The following SNX29 variants were observed in gnomAD, a reference collection of about 807,000 sequenced individuals.
SNX29 encodes the protein sorting nexin 29, also known as sorting nexin-29.
Under a neutral mutation model 102.1 loss-of-function variants are expected in SNX29, and 78 were observed. That is an observed-to-expected ratio of 0.76 (90% CI 0.64 to 0.92). The LOEUF (loss-of-function observed/expected upper bound fraction) is 0.92, where lower values mean the gene tolerates loss of function less well. SNX29 is among the 40% of genes least tolerant of loss of function. The pLI is 0.00. For synonymous variants in SNX29, 580 were observed against 414.5 expected, an observed-to-expected ratio of 1.40 and a Z score of -4.85; for missense variants, 1,280 against 1,061.7, an observed-to-expected ratio of 1.21 and a Z score of -2.86.
chr16:12,163,715 C>T (rs997488830), intron 13 of SNX29, among the ~76,000 whole-genome samples: 1 of 152,150 alleles, frequency 6.6e-6, no homozygotes, highest in African/African-American at 2.4e-5. Flanking sequence ...TTTGTTAAAC[C>T]GAACCTTTTG....
chr16:12,215,793 C>T (rs1010438502), intron 14 of SNX29, among the ~76,000 whole-genome samples: 3 of 152,210 alleles, frequency 2.0e-5, no homozygotes, highest in Non-Finnish European at 4.4e-5. Context: ...CCTCCAAAAA[C>T]ACCCCGTTTC....
chr16:12,030,810 T>C (rs535509502), intron 4 of SNX29, among the ~76,000 whole-genome samples: 60 of 152,286 alleles, frequency 3.9e-4, no homozygotes, highest in African/African-American at 1.4e-3. Flanking sequence ...CTGTCTCTGT[T>C]CTACCTCTTA....
At chr16:12,155,571 C>T (rs571869219) in intron 13 of SNX29, among the ~76,000 whole-genome samples, 1 of 152,184 alleles carries the variant, frequency 6.6e-6, no homozygotes, top group Non-Finnish European at 1.5e-5. Flanking sequence ...ACTGAGCCAA[C>T]TATAACTGGG....
intron 4 of SNX29, among the ~76,000 whole-genome samples, chr16:12,035,152 C>T (rs1000738759): frequency 2.0e-5 from 3 of 151,930 alleles, no homozygotes; most frequent in African/African-American, 4.8e-5. Flanking sequence ...ATGGCGTATG[C>T]CCCTAAAAGG....
chr16:12,336,020 A>G (rs2151234250), intron 15 of SNX29, among the ~76,000 whole-genome samples: 1 of 152,270 alleles, frequency 6.6e-6, no homozygotes, highest in South Asian at 2.1e-4. Context: ...TGTTTGTGAC[A>G]ACGGCCCAGC....
intron 13 of SNX29, among the ~76,000 whole-genome samples, chr16:12,174,865 A>G (rs1360432820): frequency 6.6e-6 from 1 of 151,948 alleles, no homozygotes; most frequent in African/African-American, 2.4e-5. Flanking sequence ...TATGTTTGGC[A>G]TTTTTGCTCT....
chr16:12,552,396 A>G (rs1424183486), intron 20 of SNX29, among the ~76,000 whole-genome samples: 1 of 152,256 alleles, frequency 6.6e-6, no homozygotes, highest in African/African-American at 2.4e-5. Flanking sequence ...TACCTGGCGC[A>G]GAGCAGTGGT....
intron 20 of SNX29, among the ~76,000 whole-genome samples, chr16:12,547,791 G>A (rs934257555): frequency 1.3e-5 from 2 of 152,170 alleles, no homozygotes; most frequent in Non-Finnish European, 2.9e-5. Flanking sequence ...CTACCGAACA[G>A]AATGGGCTCA....
intron 14 of SNX29, among the ~76,000 whole-genome samples, chr16:12,255,152 C>T (rs1045734112): frequency 2.0e-5 from 3 of 151,992 alleles, no homozygotes; most frequent in African/African-American, 7.3e-5. Context: ...GTGTTGAGAC[C>T]ATTTAGGATA....
chr16:12,068,179 G>T (rs1190216457), intron 9 of SNX29, among the ~76,000 whole-genome samples: 1 of 152,072 alleles, frequency 6.6e-6, no homozygotes, highest in Admixed American at 6.6e-5. Context: ...GGTGGCTCAA[G>T]GTCGAAAATG....
At chr16:12,037,452 C>T (rs1306001922) in intron 4 of SNX29, among the ~76,000 whole-genome samples, 2 of 151,860 alleles carry the variant, frequency 1.3e-5, no homozygotes, top group African/African-American at 2.4e-5. Flanking sequence ...AAATTGAAGG[C>T]GGTACCAAAA....
rs373486582 is a variant in SNX29, at chr16:12,213,892, G to A, written c.1678+14209G>A. Among the ~76,000 whole-genome samples the A allele has an allele frequency of 5.6e-4, 85 of 152,312 alleles. 1 individual carries two copies. In the East Asian group the frequency reaches 7.3e-3, roughly 13 times the overall value. ...GGAAGGAGCGATGAATACTGGGTAG[G>A]CAGCCAGGAGTCCCTGCTGCTTCTG... On this transcript the variant is annotated intron_variant, in intron 14 of 20. Coordinates refer to ENST00000566228, the MANE Select transcript of SNX29 (RefSeq NM_032167.5).
At chr16:12,011,761 T>C (rs2056662258) in intron 3 of SNX29, among the ~76,000 whole-genome samples, 1 of 152,116 alleles carries the variant, frequency 6.6e-6, no homozygotes, top group Non-Finnish European at 1.5e-5. Flanking sequence ...CTTACCTTCA[T>C]GCCTCCTTCA....
At chr16:11,979,561 T>A (rs1034264953) in intron 1 of SNX29, among the ~76,000 whole-genome samples, 4 of 152,146 alleles carry the variant, frequency 2.6e-5, no homozygotes, top group African/African-American at 9.7e-5. Flanking sequence ...TGTTCCCCAC[T>A]TATAATATTT....
intron 19 of SNX29, among the ~76,000 whole-genome samples, chr16:12,493,780 C>T (rs899020801): frequency 1.1e-4 from 17 of 152,130 alleles, no homozygotes; most frequent in Non-Finnish European, 7.4e-5. Context: ...TTAGTAGAGA[C>T]GGGGTTTCAC....
At chr16:12,208,843 TAA>T (rs34312513) in intron 14 of SNX29, among the ~76,000 whole-genome samples, 704 of 143,620 alleles carry the variant, frequency 4.9e-3, no homozygotes, top group Non-Finnish European at 4.4e-3. Flanking sequence ...CATGTCTCTT[TAA>T]AAAAAAAAAA....
At chr16:12,535,740 G>T (rs148002170) in intron 20 of SNX29, among the ~76,000 whole-genome samples, 10 of 152,206 alleles carry the variant, frequency 6.6e-5, no homozygotes, top group Admixed American at 5.2e-4. Context: ...GCTTGGTCAC[G>T]CTCGTCTTCC....
At chr16:12,278,398 G>C (rs1459274704) in intron 15 of SNX29, among the ~76,000 whole-genome samples, 1 of 151,656 alleles carries the variant, frequency 6.6e-6, no homozygotes, top group East Asian at 1.9e-4. Context: ...CTATTTTTCA[G>C]AAAAACATTC....
At position 12,223,460 on chromosome 16, in the gene SNX29, G is replaced by T. The variant is rs2077530583; in HGVS notation, c.1678+23777G>T. 3.3e-5 allele frequency among the ~76,000 whole-genome samples: 5 copies of T among 152,312 alleles called. No individual in the cohort carries two copies. In the South Asian group the frequency reaches 1.0e-3, roughly 32 times the overall value. The stretch of plus-strand genomic sequence containing the variant: ...GTGGATCACCTGAAGTCAGGAGTTT[G>T]AGACCAGCCTGGCCAACATGGTGAA... On this transcript the variant is annotated intron_variant, in intron 14 of 20. Coordinates refer to ENST00000566228, the MANE Select transcript of SNX29 (RefSeq NM_032167.5).
Sources: gnomAD v4.1 joint callset for allele counts (sites outside exome capture counted in the v4.1 genomes callset) on GRCh38, gnomAD v4.1.1 for gene constraint, MANE v1.5 for transcripts, NCBI Gene and HGNC (gene_info 2026-07-23, HGNC 2026-07-21) for gene names.